MRFAP1L1: variants seen among roughly 807,000 people sequenced by gnomAD.
MRFAP1L1 encodes Morf4 family associated protein 1 like 1.
Under a neutral mutation model 10.6 loss-of-function variants are expected in MRFAP1L1, and 9 were observed. The ratio of observed to expected loss-of-function variants is 0.85; its 90% confidence interval spans 0.51 to 1.48. MRFAP1L1 has a LOEUF of 1.48. MRFAP1L1 is among the 40% of genes most tolerant of loss of function. The pLI, the probability that MRFAP1L1 is intolerant of heterozygous loss-of-function variation, is 0.00. For synonymous variants in MRFAP1L1, 78 were observed against 70.4 expected (o/e 1.11, Z -0.54); for missense variants, 177 against 171.4 (o/e 1.03, Z -0.18).
Position 6,707,752 on chromosome 4 carries a change from AAC to A in MRFAP1L1, c.*905_*906del, listed in dbSNP as rs1456041268. 6.6e-6 allele frequency: 1 copy of A among 152,200 alleles called. No homozygotes were observed. The allele number at this position is 152,200 out of a possible 1,614,324, so 9.4% of individuals were successfully genotyped here. ...ACACAGGAGGGGCTTTGGTCATGTG[AAC>A]AAAAAATTTATTTCTTAAAAAAGGC... On this transcript the variant is annotated 3_prime_UTR_variant, in exon 2 of 2. Transcript: ENST00000320848.
chr4:6,708,261 T>G lies in MRFAP1L1; in HGVS notation c.*398A>C, dbSNP rs1205059613. ...GTAGCGTAGTGTCTTCCATTGCACC[T>G]CTAAAGTTGGAAGATTCTGATCCCA... On this transcript the variant is annotated 3_prime_UTR_variant, in exon 2 of 2. Coordinates refer to ENST00000320848, the MANE Select transcript of MRFAP1L1 (RefSeq NM_203462.3). 1 of 152,646 alleles carries G rather than the reference T, an allele frequency of 6.6e-6. No individual in the cohort carries two copies. The highest frequency in any genetic ancestry group is 2.4e-5 in the African/African-American group (1 of 41,448). 9.5% of individuals were successfully genotyped at this position (152,646 alleles called of 1,614,324 possible).
At chr4:6,708,769 T>C (rs1273618385) in intron 1 of MRFAP1L1, 126 bp from the exon 2 acceptor site, 1 of 161,812 alleles carries the variant, frequency 6.2e-6, no homozygotes, top group Non-Finnish European at 1.4e-5. Flanking sequence ...TCCTCTGACA[T>C]ACCTGTCTCA....
Position 6,709,317 on chromosome 4 carries a change from T to C in MRFAP1L1, c.313A>G (p.Lys105Glu), listed in dbSNP as rs146762761. The C allele has an allele frequency of 1.2e-6, 2 of 1,614,156 alleles. No homozygotes were observed. Among genetic ancestry groups the C allele is most frequent in the Non-Finnish European group, 1.7e-6 (2 of 1,180,052 alleles). ...ATCTCTGCCATCTTCGCAATCTCCT[T>C]GGCTTTCTCCTCAGCCTTCTCGCAC... ...ELCEKAEEKA[K>E]EIAKMAEMLV... Residue 105 changes from lysine to glutamate, a missense_variant, in exon 1 of 2, where the codon AAG (lysine) becomes GAG (glutamate). Lys to Glu is a moderately conservative substitution (Grantham distance 56). Transcript: ENST00000320848.
At position 6,709,552 on chromosome 4, in the gene MRFAP1L1, C is replaced by A; in HGVS notation, c.78G>T (p.Gln26His). ...EVLEPEEDFEQFLLPVINEMR... is the reference protein window; with the variant it reads ...EVLEPEEDFEHFLLPVINEMR... ...TCTCGTTGATGACCGGGAGCAGGAA[C>A]TGCTCGAAATCCTCCTCGGGCTCCA... is the stretch of plus-strand genomic sequence containing the variant. The change falls in exon 1 of 2, where the codon CAG becomes CAT. Residue 26 changes from glutamine to histidine, a missense_variant. By Grantham distance (24) the Gln-to-His change is conservative. Transcript: ENST00000320848. 1.2e-6 allele frequency: 2 copies of A among 1,614,266 alleles called. No individual in the cohort carries two copies. Among genetic ancestry groups the A allele is most frequent in the Non-Finnish European group, 1.7e-6 (2 of 1,180,044 alleles).
rs1460945292 is a variant in MRFAP1L1 at position 6,707,741 on chromosome 4, T to A, written c.*918A>T. On this transcript the variant is annotated 3_prime_UTR_variant, in exon 2 of 2. Transcript: ENST00000320848. Reference sequence around the variant, plus strand: ...TTTATTAACACACACAGGAGGGGCTTTGGTCATGTGAACAAAAAATTTATT... The same window carrying A: ...TTTATTAACACACACAGGAGGGGCTATGGTCATGTGAACAAAAAATTTATT... 6.6e-6 allele frequency: 1 copy of A among 152,186 alleles called. No individual in the cohort carries two copies. Among genetic ancestry groups the A allele is most frequent in the Non-Finnish European group, 1.5e-5 (1 of 68,032 alleles). 9.4% of individuals were successfully genotyped at this position (152,186 alleles called of 1,614,324 possible).
In MRFAP1L1 at chr4:6,709,443, T is replaced by C. The variant is rs754524317; in HGVS notation, c.187A>G (p.Met63Val). 6.2e-7 allele frequency: 1 copy of C among 1,614,236 alleles called. No homozygotes were observed. Among genetic ancestry groups the C allele is most frequent in the African/African-American group, 1.3e-5 (1 of 75,072 alleles). ...TRSKLWEMDN[M>V]LIQIKTQVEA... ...ACCTGCGTTTTGATCTGGATAAGCA[T>C]ATTGTCCATCTCCCACAGCTTGCTC... Residue 63 changes from methionine to valine, a missense_variant, in exon 1 of 2, where the codon ATG (methionine) becomes GTG (valine). Physicochemically the swap from Met to Val is conservative, Grantham distance 21. Transcript: ENST00000320848.
Position 6,709,752 on chromosome 4 carries a change from C to A in MRFAP1L1, c.-123G>T. The A allele has an allele frequency of 8.1e-7, 1 of 1,228,984 alleles. No individual in the cohort carries two copies. The allele number at this position is 1,228,984 out of a possible 1,614,324, so 76.1% of individuals were successfully genotyped here. On this transcript the variant is annotated 5_prime_UTR_variant, in exon 1 of 2. Coordinates refer to ENST00000320848, the MANE Select transcript of MRFAP1L1 (RefSeq NM_203462.3). Reference sequence around the variant, plus strand: ...ACCCACACGCTTTGTCAATTGTACTCCCGAATTATCTTTATTTTTTTTTCT... The same window carrying A: ...ACCCACACGCTTTGTCAATTGTACTACCGAATTATCTTTATTTTTTTTTCT...
At chr4:6,709,153 T>C in intron 1 of MRFAP1L1, 78 bp downstream of exon 1, 7 of 1,503,634 alleles carry the variant, frequency 4.7e-6, no homozygotes, top group Non-Finnish European at 6.3e-6. Context: ...AGAACATAAC[T>C]TTTTACAGGG....
intron 1 of MRFAP1L1, 188 bp downstream of exon 1, chr4:6,709,043 T>C: frequency 4.8e-6 from 3 of 628,658 alleles, no homozygotes; most frequent in Admixed American, 5.9e-5. Flanking sequence ...AAAAACGGTA[T>C]ACTAACGCCT....
rs1428998940 is a variant in MRFAP1L1 at position 6,708,301 on chromosome 4, C to T, written c.*358G>A. 6.6e-6 allele frequency: 1 copy of T among 152,536 alleles called. No homozygotes were observed. The highest frequency in any genetic ancestry group is 1.5e-5 in the Non-Finnish European group (1 of 68,038). The allele number at this position is 152,536 out of a possible 1,614,324, so 9.4% of individuals were successfully genotyped here. On this transcript the variant is annotated 3_prime_UTR_variant, in exon 2 of 2. Coordinates refer to ENST00000320848, the MANE Select transcript of MRFAP1L1 (RefSeq NM_203462.3). Reference sequence around the variant, plus strand: ...TTCTGATCCCACGTCTTGACGTGTTCCAAAAAACAATCAGGTCACAAAGGT... The same window carrying T: ...TTCTGATCCCACGTCTTGACGTGTTTCAAAAAACAATCAGGTCACAAAGGT...
chr4:6,709,082 T>C, intron 1 of MRFAP1L1, 149 bp downstream of exon 1: 3 of 878,282 alleles, frequency 3.4e-6, no homozygotes, highest in Non-Finnish European at 5.2e-6. Flanking sequence ...TCTTTCCTCT[T>C]GACCCCAACT....
Position 6,709,768 on chromosome 4 carries a change from T to A in MRFAP1L1, c.-139A>T. 1 of 1,159,550 alleles carries A rather than the reference T, an allele frequency of 8.6e-7. No homozygotes were observed. Among genetic ancestry groups the A allele is most frequent in the Non-Finnish European group, 1.2e-6 (1 of 835,088 alleles). The allele number at this position is 1,159,550 out of a possible 1,614,324, so 71.8% of individuals were successfully genotyped here. On this transcript the variant is annotated 5_prime_UTR_variant, in exon 1 of 2. Transcript: ENST00000320848. ...AATTGTACTCCCGAATTATCTTTAT[T>A]TTTTTTTCTTCCTTTTAATTGTAAG...
At chr4:6,709,093 T>G (rs1020760171) in intron 1 of MRFAP1L1, 138 bp downstream of exon 1, 2 of 981,090 alleles carry the variant, frequency 2.0e-6, no homozygotes, top group Non-Finnish European at 3.0e-6. Context: ...GACCCCAACT[T>G]TGTTCCCAAT....
Position 6,709,613 on chromosome 4 carries a change from A to T in MRFAP1L1, c.17T>A (p.Ile6Lys), listed in dbSNP as rs1368046668. 22 of 1,612,948 alleles carry T rather than the reference A, an allele frequency of 1.4e-5. No individual in the cohort carries two copies. The highest frequency in any genetic ancestry group is 2.2e-5 in the East Asian group (1 of 44,848). ...TTCCTCAGGCGCTTCCACCTCGTCT[A>T]TGTCCAGGGGCCGCATCTCCTCCTG... MRPLD[I>K]DEVEAPEEVE... The change falls in exon 1 of 2, where the codon ATA becomes AAA. Residue 6 changes from isoleucine (I) to lysine (K), a missense_variant. By Grantham distance (102) the Ile-to-Lys change is moderately radical (BLOSUM62 -3). Coordinates refer to ENST00000320848, the MANE Select transcript of MRFAP1L1 (RefSeq NM_203462.3).
chr4:6,709,217 G>A lies in MRFAP1L1; in HGVS notation c.*15+14C>T, dbSNP rs779926883. On this transcript the variant is annotated intron_variant, in intron 1 of 1. Coordinates refer to ENST00000320848, the MANE Select transcript of MRFAP1L1 (RefSeq NM_203462.3). Reference sequence around the variant, plus strand: ...CTGAGTTTCATCCAAGCTCCAGCTAGTTTCCGACCTTACCACCGATCTCCT... The same window carrying A: ...CTGAGTTTCATCCAAGCTCCAGCTAATTTCCGACCTTACCACCGATCTCCT... 1.2e-6 allele frequency: 2 copies of A among 1,607,318 alleles called. No homozygotes were observed. The highest frequency in any genetic ancestry group is 1.7e-5 in the Admixed American group (1 of 59,874).
rs553039590 is a variant in MRFAP1L1, at chr4:6,709,795, C to T, written c.-166G>A. The T allele has an allele frequency of 2.1e-6, 2 of 970,602 alleles. No homozygotes were observed. Among genetic ancestry groups the T allele is most frequent in the South Asian group, 3.7e-5 (2 of 54,718 alleles). 60.1% of individuals were successfully genotyped at this position (970,602 alleles called of 1,614,324 possible). A position where few individuals can be genotyped will look rare whatever the true frequency, so the allele number is the denominator to read the frequency against. ...TTTTTTCTTCCTTTTAATTGTAAGC[C>T]TTTCGCTTCACAACTCTGCGGGAAG... On this transcript the variant is annotated 5_prime_UTR_variant, in exon 1 of 2. Coordinates refer to ENST00000320848, the MANE Select transcript of MRFAP1L1 (RefSeq NM_203462.3).
chr4:6,707,943 C>T lies in MRFAP1L1; in HGVS notation c.*716G>A, dbSNP rs1030860388. 7.2e-6 allele frequency: 1 copy of T among 138,618 alleles called. No individual in the cohort carries two copies. The highest frequency in any genetic ancestry group is 1.7e-5 in the Non-Finnish European group (1 of 59,526). 8.6% of individuals were successfully genotyped at this position (138,618 alleles called of 1,614,324 possible). On this transcript the variant is annotated 3_prime_UTR_variant, in exon 2 of 2. Coordinates refer to ENST00000320848, the MANE Select transcript of MRFAP1L1 (RefSeq NM_203462.3). ...TCTTAAAGCTCTCTGTAGACTGTCT[C>T]TTCCATGCCATTCTCTGATGCCCCT...
At position 6,709,563 on chromosome 4, in the gene MRFAP1L1, C is replaced by T. The variant is rs141796381; in HGVS notation, c.67G>A (p.Asp23Asn). Reference protein sequence around the residue: ...EEVEVLEPEEDFEQFLLPVIN... With the variant: ...EEVEVLEPEENFEQFLLPVIN... ...ACCGGGAGCAGGAACTGCTCGAAAT[C>T]CTCCTCGGGCTCCAGCACCTCCACT... The change falls in exon 1 of 2, where the codon GAT (aspartate) becomes AAT (asparagine). Residue 23 changes from aspartate (D) to asparagine (N), a missense_variant. By Grantham distance (23) the Asp-to-Asn change is conservative. Transcript: ENST00000320848. The T allele has an allele frequency of 4.7e-3, 7,511 of 1,614,236 alleles. 61 individuals carry two copies. The highest frequency in any genetic ancestry group is 0.021 in the South Asian group (1,901 of 91,090).
intron 1 of MRFAP1L1, 126 bp downstream of exon 1, chr4:6,709,105 C>G: frequency 2.8e-6 from 3 of 1,090,296 alleles, no homozygotes; most frequent in Non-Finnish European, 4.0e-6. Context: ...GTTCCCAATG[C>G]TCAATTTTTG....
Sources: allele counts gnomAD v4.1 joint callset, GRCh38; gene constraint gnomAD v4.1.1; transcripts MANE v1.5; gene names NCBI Gene and HGNC (gene_info 2026-07-23, HGNC 2026-07-21).